The following NRXN2 variants were observed in gnomAD, a reference collection of about 807,000 sequenced individuals.
NRXN2 encodes the protein neurexin 2.
Under a neutral mutation model 128.8 loss-of-function variants are expected in NRXN2, and 29 were observed. The ratio of observed to expected loss-of-function variants is 0.23; its 90% CI spans 0.17 to 0.31. NRXN2 has a LOEUF of 0.31. Ranked by LOEUF, NRXN2 falls within the 10% of genes least tolerant of loss-of-function variation. The pLI, the probability that NRXN2 is intolerant of heterozygous loss-of-function variation, is 1.00. For missense variants in NRXN2, 1,881 were observed against 2,452.6 expected, an observed-to-expected ratio of 0.77 and a Z score of 4.92; for synonymous variants, 1,098 against 1,075.2, an observed-to-expected ratio of 1.02 and a Z score of -0.41.
chr11:64,717,958 C>T (rs2057342607), intron 1 of NRXN2, among the ~76,000 whole-genome samples: 1 of 152,174 alleles, frequency 6.6e-6, no homozygotes, highest in Admixed American at 6.5e-5. Context: ...AAAGCCCACT[C>T]CTGGGACTGG....
intron 9 of NRXN2, among the ~76,000 whole-genome samples, chr11:64,665,010 C>T (rs1316506411): frequency 4.1e-5 from 6 of 146,324 alleles, no homozygotes; most frequent in South Asian, 2.2e-4. Context: ...AGGCCGGGCG[C>T]GGTGGCTCAC....
Position 64,658,249 on chromosome 11 carries a change from T to C in NRXN2, c.2389+2083A>G, listed in dbSNP as rs116929381. On this transcript the variant is annotated intron_variant, in intron 11 of 22. Transcript: ENST00000265459. ...TGTGTTTAGATGCAGACAACACACATATGCCCAGGCAAAGTAGGGGGGAAC... is the reference window on the plus strand; with the variant it reads ...TGTGTTTAGATGCAGACAACACACACATGCCCAGGCAAAGTAGGGGGGAAC... Among the ~76,000 whole-genome samples the C allele has an allele frequency of 5.2e-3, 788 of 152,268 alleles. 3 individuals are homozygous for C. The highest frequency in any genetic ancestry group is 9.2e-3 in the Non-Finnish European group (624 of 68,018).
rs763140068 is a variant in NRXN2 at position 64,632,794 on chromosome 11, G to A, written c.3586-2221C>T. On this transcript the variant is annotated intron_variant, in intron 18 of 22. Transcript: ENST00000265459. This position sits in a 1 kb window ranked among gnomAD's most constrained non-coding sequence, Gnocchi z 4.2. The stretch of plus-strand genomic sequence containing the variant: ...TTCCCCAATTACCTCATTAGGCGGC[G>A]GTGGGGAGAACGAAGCCGCTCCTAC... 7.2e-5 allele frequency among the ~76,000 whole-genome samples: 11 copies of A among 152,222 alleles called. No homozygotes were observed. Among genetic ancestry groups the A allele is most frequent in the Non-Finnish European group, 1.5e-4 (10 of 68,040 alleles).
At position 64,635,374 on chromosome 11, in the gene NRXN2, C is replaced by T; in HGVS notation, c.3482G>A (p.Arg1161Lys). 1 of 1,613,760 alleles carries T rather than the reference C, an allele frequency of 6.2e-7. No homozygotes were observed. Among genetic ancestry groups the T allele is most frequent in the Non-Finnish European group, 8.5e-7 (1 of 1,180,022 alleles). Residue 1161 changes from arginine to lysine, a missense_variant, in exon 18 of 23, where the codon AGG becomes AAG. Physicochemically the swap from Arg to Lys is conservative, Grantham distance 26. Transcript: ENST00000265459. This position sits in a 1 kb window ranked among gnomAD's most constrained non-coding sequence, Gnocchi z 4.8. ...GAAGCCCACGGCCAGGCGATCCATC[C>T]TCGTGCTGGGCCTGTCATTGGGGGG... ...TWPPNDRPST[R>K]MDRLAVGFST...
chr11:64,624,454 A>G (rs1178077084), intron 20 of NRXN2, among the ~76,000 whole-genome samples: 13 of 152,242 alleles, frequency 8.5e-5, no homozygotes, highest in Admixed American at 8.5e-4. Flanking sequence ...ACTAATGGCC[A>G]AGAGGCCAAG....
intron 7 of NRXN2, among the ~76,000 whole-genome samples, chr11:64,672,934 TG>T (rs1716987165): frequency 6.6e-6 from 1 of 152,336 alleles, no homozygotes; most frequent in Admixed American, 6.5e-5. Context: ...TCAGAAATCC[TG>T]GGCTCTCATT....
intron 11 of NRXN2, among the ~76,000 whole-genome samples, chr11:64,654,911 T>C (rs1463658576): frequency 6.6e-6 from 1 of 152,042 alleles, no homozygotes; most frequent in Admixed American, 6.5e-5. Flanking sequence ...CTTCCCTCCA[T>C]GTGAGCTGAG....
At chr11:64,637,463 TCTC>T (rs2044914551) in intron 17 of NRXN2, 2 of 152,212 alleles carry the variant, frequency 1.3e-5, no homozygotes, top group Non-Finnish European at 2.9e-5. Flanking sequence ...CCGGTAACGG[TCTC>T]TCCACTCCCA....
At chr11:64,646,770 G>A (rs1195322729) in intron 17 of NRXN2, among the ~76,000 whole-genome samples, 1 of 151,666 alleles carries the variant, frequency 6.6e-6, no homozygotes, top group East Asian at 1.9e-4. Flanking sequence ...AGCTGGAGGG[G>A]AAGAGGTCCA....
chr11:64,657,219 C>T (rs475642), intron 11 of NRXN2, among the ~76,000 whole-genome samples: 1 of 152,090 alleles, frequency 6.6e-6, no homozygotes, highest in Non-Finnish European at 1.5e-5. Flanking sequence ...GGGGAGCAAG[C>T]AATGGGGGAC....
In NRXN2 at chr11:64,651,160, T is replaced by A. The variant is rs375395072; in HGVS notation, c.2918+95A>T. On this transcript the variant is annotated intron_variant, in intron 14 of 22. Coordinates refer to ENST00000265459, the MANE Select transcript of NRXN2 (RefSeq NM_015080.4). The surrounding 1 kb of genome is among the most constrained non-coding windows in gnomAD (Gnocchi z 5.9). The stretch of plus-strand genomic sequence containing the variant: ...AATCTTGACTTGTGATCTGGGGGGA[T>A]TGGACACCTCGGCCAGTAGCCAGGA... 11 of 1,539,096 alleles carry A rather than the reference T, an allele frequency of 7.1e-6. No homozygotes were observed. The highest frequency in any genetic ancestry group is 1.4e-5 in the African/African-American group (1 of 73,698).
Position 64,667,623 on chromosome 11 carries a change from C to G in NRXN2, c.1425G>C (p.Lys475Asn), listed in dbSNP as rs1275815577. 6.2e-7 allele frequency: 1 copy of G among 1,614,128 alleles called. No homozygotes were observed. The highest frequency in any genetic ancestry group is 8.5e-7 in the Non-Finnish European group (1 of 1,180,054). ...ATGACAAGTCCCCCTGCAGCTTCATCTTGGGGTCCCCTTCCTTTGCCAGGC... is the reference window on the plus strand; with the variant it reads ...ATGACAAGTCCCCCTGCAGCTTCATGTTGGGGTCCCCTTCCTTTGCCAGGC... ...LSRLAKEGDPKMKLQGDLSFR... is the reference protein window; with the variant it reads ...LSRLAKEGDPNMKLQGDLSFR... Residue 475 changes from lysine to asparagine, a missense_variant, in exon 9 of 23, where the codon AAG (lysine) becomes AAC (asparagine). Around this residue, in one of 7 missense-constraint regions of NRXN2, gnomAD observed 997 missense variants for 1,240.8 expected, o/e 0.80. Transcript: ENST00000265459. The surrounding 1 kb of genome is among the most constrained non-coding windows in gnomAD (Gnocchi z 5.6).
intron 22 of NRXN2, among the ~76,000 whole-genome samples, chr11:64,615,829 CGTGTGTGTGTGTGTGT>C (rs34781745): frequency 2.9e-5 from 4 of 139,010 alleles, no homozygotes; most frequent in East Asian, 2.5e-4. Flanking sequence ...TAGGCCCAAG[CGTGTGTGTGTGTGTGT>C]GTGTGTGTGT....
rs754853667 is a variant in NRXN2, at chr11:64,653,708, C to T, written c.2404G>A (p.Gly802Ser). The change falls in exon 12 of 23, where the codon GGC becomes AGC. Residue 802 changes from glycine to serine, a missense_variant. By Grantham distance (56) the Gly-to-Ser change is moderately conservative. Transcript: ENST00000265459. ...GGAAGCCACTTACTGGGTGCGCAGC[C>T]GACGCGCAGGCAGTCTGGGGGGGCC... ...LTVNLDCLRV[G>S]CAPSKGPETL... 11 of 1,596,156 alleles carry T rather than the reference C, an allele frequency of 6.9e-6. No individual in the cohort carries two copies. Among genetic ancestry groups the T allele is most frequent in the Admixed American group, 5.3e-5 (3 of 56,572 alleles).
Position 64,635,662 on chromosome 11 carries a change from T to C in NRXN2, c.3404-210A>G, listed in dbSNP as rs1245798405. ...GAGCCTGTGCACGCGCACAGACAGA[T>C]GTAGCTGCCTCATCAAGAATGCTAG... On this transcript the variant is annotated intron_variant, in intron 17 of 22. Transcript: ENST00000265459. The surrounding 1 kb of genome is among the most constrained non-coding windows in gnomAD (Gnocchi z 4.8). 1.3e-5 allele frequency among the ~76,000 whole-genome samples: 2 copies of C among 152,056 alleles called. No individual in the cohort carries two copies. The highest frequency in any genetic ancestry group is 4.8e-5 in the African/African-American group (2 of 41,406).
At position 64,623,969 on chromosome 11, in the gene NRXN2, T is replaced by C. The variant is rs1341541324; in HGVS notation, c.3848-891A>G. The C allele has an allele frequency of 6.6e-6, 1 of 152,126 alleles. No homozygotes were observed. 9.4% of individuals were successfully genotyped at this position (152,126 alleles called of 1,614,324 possible). A position where few individuals can be genotyped will look rare whatever the true frequency, so the allele number is the denominator to read the frequency against. Reference sequence around the variant, plus strand: ...TGGGGGTCGGTTTAACCCTCTGAGTTTGTTGTTTTGGTTTGGTTTTTAGAA... The same window carrying C: ...TGGGGGTCGGTTTAACCCTCTGAGTCTGTTGTTTTGGTTTGGTTTTTAGAA... On this transcript the variant is annotated intron_variant, in intron 20 of 22. Coordinates refer to ENST00000265459, the MANE Select transcript of NRXN2 (RefSeq NM_015080.4). This position sits in a 1 kb window ranked among gnomAD's most constrained non-coding sequence, Gnocchi z 4.9.
At chr11:64,690,263 G>T in intron 5 of NRXN2, 142 bp downstream of exon 5, 1 of 735,850 alleles carries the variant, frequency 1.4e-6, no homozygotes, top group Admixed American at 2.2e-5. Context: ...AATGGCACTC[G>T]GGGAGCAGAC....
At position 64,620,318 on chromosome 11, in the gene NRXN2, G is replaced by A. The variant is rs765512048; in HGVS notation, c.4228C>T (p.Leu1410=). The change falls in exon 22 of 23, where the codon CTG becomes TTG. Residue 1410 remains leucine, a synonymous_variant. Transcript: ENST00000265459. The stretch of plus-strand genomic sequence containing the variant: ...CCAGTACTGGGCTCACACTCCTCCA[G>A]GTCCTCATCATCGCTTGGACACTCA... ...SAECPSDDED[L]EECEPSTGGE... The A allele has an allele frequency of 1.9e-6, 3 of 1,553,862 alleles. No homozygotes were observed. The highest frequency in any genetic ancestry group is 2.6e-6 in the Non-Finnish European group (3 of 1,148,260).
At chr11:64,676,852 G>C (rs939717627) in intron 7 of NRXN2, 141 bp downstream of exon 7, 1 of 695,204 alleles carries the variant, frequency 1.4e-6, no homozygotes, top group Admixed American at 2.2e-5. Flanking sequence ...AAAATCTAAA[G>C]ATTGTCCAGG....
Sources: allele counts gnomAD v4.1 joint callset (sites outside exome capture counted in the v4.1 genomes callset), GRCh38; gene constraint gnomAD v4.1.1; regional missense constraint gnomAD v4.1.1; non-coding constraint Gnocchi (gnomAD v3.1); transcripts MANE v1.5; gene names NCBI Gene and HGNC (gene_info 2026-07-23, HGNC 2026-07-21).